RAB3GAP1: variants seen among roughly 807,000 people sequenced by gnomAD.
RAB3GAP1 encodes the protein RAB3 GTPase activating protein catalytic subunit 1.
In RAB3GAP1, 86 loss-of-function variants were observed where a neutral mutation model predicts 130.7. That is an observed-to-expected ratio of 0.66 (90% CI 0.55 to 0.79). RAB3GAP1 has a LOEUF of 0.79. Among genes scored for constraint, RAB3GAP1 ranks in the 30% least tolerant of loss-of-function variants. RAB3GAP1 has a pLI of 0.00. For missense variants in RAB3GAP1, 1,029 were observed against 1,169.4 expected, an observed-to-expected ratio of 0.88 and a Z score of 1.75; for synonymous variants, 367 against 401.7, an observed-to-expected ratio of 0.91 and a Z score of 1.03.
At chr2:135,071,446 A>G (rs1326303886) in intron 3 of RAB3GAP1, among the ~76,000 whole-genome samples, 1 of 151,918 alleles carries the variant, frequency 6.6e-6, no homozygotes, top group Admixed American at 6.6e-5. Context: ...TTAGGCTCCT[A>G]TCTTTGAATT....
rs1173349387 is a variant in RAB3GAP1 at position 135,162,739 on chromosome 2, C to A, written c.2387-9C>A. ...TATTTAATGCTGGCTTCAATCTTTT[C>A]TAAAATAGAAAGTCTCGAAAACATT... On this transcript the variant is annotated splice_polypyrimidine_tract_variant and intron_variant, in intron 20 of 23. Transcript: ENST00000264158. 1 of 1,610,384 alleles carries A rather than the reference C, an allele frequency of 6.2e-7. No homozygotes were observed. Among genetic ancestry groups the A allele is most frequent in the Non-Finnish European group, 8.5e-7 (1 of 1,176,608 alleles).
chr2:135,104,940 A>G (rs571625380), intron 5 of RAB3GAP1, among the ~76,000 whole-genome samples: 1 of 152,252 alleles, frequency 6.6e-6, no homozygotes, highest in South Asian at 2.1e-4. Flanking sequence ...GTTGAAAAGT[A>G]TAATTGAAAT....
intron 7 of RAB3GAP1, 40 bp from the exon 8 acceptor site, chr2:135,120,779 C>A: frequency 7.3e-7 from 1 of 1,369,190 alleles, no homozygotes; most frequent in Non-Finnish European, 1.0e-6. Flanking sequence ...GAAAAGGGTA[C>A]CAGCATTTAC....
chr2:135,057,926 T>G (rs1277227593), intron 2 of RAB3GAP1, 85 bp from the exon 3 acceptor site: 3 of 1,021,214 alleles, frequency 2.9e-6, no homozygotes, highest in Middle Eastern at 2.7e-4. Context: ...TGTTAAAATA[T>G]AAAAAATACC....
At chr2:135,132,655 T>A (rs959816865) in intron 13 of RAB3GAP1, among the ~76,000 whole-genome samples, 1 of 152,200 alleles carries the variant, frequency 6.6e-6, no homozygotes, top group Non-Finnish European at 1.5e-5. Context: ...ATCAAGTGAT[T>A]ACTTTTAAGA....
At chr2:135,073,813 C>G (rs1305953218) in intron 3 of RAB3GAP1, among the ~76,000 whole-genome samples, 1 of 152,134 alleles carries the variant, frequency 6.6e-6, no homozygotes, top group East Asian at 1.9e-4. Flanking sequence ...AAATTTATCC[C>G]AGTGCTTTAA....
intron 7 of RAB3GAP1, among the ~76,000 whole-genome samples, chr2:135,115,687 C>T (rs1690949616): frequency 2.0e-5 from 3 of 152,256 alleles, no homozygotes; most frequent in African/African-American, 7.2e-5. Flanking sequence ...TGCCAGTCTC[C>T]TAAGCTTAAT....
At chr2:135,107,099 A>G (rs1402928291) in intron 5 of RAB3GAP1, among the ~76,000 whole-genome samples, 5 of 121,824 alleles carry the variant, frequency 4.1e-5, no homozygotes, top group East Asian at 2.0e-4. Flanking sequence ...TGAAAGGGAG[A>G]AAAAAAAAAA....
downstream of RAB3GAP1, among the ~76,000 whole-genome samples, chr2:135,171,298 C>T (rs1428834787): frequency 2.0e-5 from 3 of 151,770 alleles, no homozygotes; most frequent in East Asian, 3.9e-4. Context: ...GCCTTTGGGG[C>T]GGTAGTGAGT....
intron 3 of RAB3GAP1, among the ~76,000 whole-genome samples, chr2:135,082,227 A>C (rs1338796571): frequency 6.6e-6 from 1 of 152,170 alleles, no homozygotes; most frequent in Non-Finnish European, 1.5e-5. Context: ...AATTTAAGGC[A>C]TATAATTCAG....
intron 3 of RAB3GAP1, among the ~76,000 whole-genome samples, chr2:135,063,741 G>A (rs899839888): frequency 2.6e-5 from 4 of 152,054 alleles, no homozygotes; most frequent in Non-Finnish European, 5.9e-5. Flanking sequence ...CACTTGGGTC[G>A]CTTCTACCTT....
chr2:135,101,956 A>G (rs1690462172), intron 5 of RAB3GAP1, among the ~76,000 whole-genome samples: 1 of 152,260 alleles, frequency 6.6e-6, no homozygotes, highest in South Asian at 2.1e-4. Context: ...ATTCATGAGC[A>G]GAGATTTTAA....
intron 3 of RAB3GAP1, among the ~76,000 whole-genome samples, chr2:135,084,526 AGTT>A (rs1452296850): frequency 1.3e-5 from 2 of 152,096 alleles, no homozygotes; most frequent in Non-Finnish European, 2.9e-5. Flanking sequence ...GTGGTTATCT[AGTT>A]GTTGCAGCAG....
At chr2:135,107,317 C>T (rs566300608) in intron 5 of RAB3GAP1, among the ~76,000 whole-genome samples, 122 of 151,858 alleles carry the variant, frequency 8.0e-4, no homozygotes, top group African/African-American at 2.7e-3. Context: ...AATATATTCT[C>T]ATAATTTAAA....
chr2:135,104,169 T>A (rs534522905), intron 5 of RAB3GAP1, among the ~76,000 whole-genome samples: 2 of 152,200 alleles, frequency 1.3e-5, no homozygotes, highest in South Asian at 4.1e-4. Flanking sequence ...AAAATAAGAA[T>A]AAAGCAATGG....
intron 17 of RAB3GAP1, among the ~76,000 whole-genome samples, chr2:135,147,052 A>C (rs1459321500): frequency 6.6e-6 from 1 of 152,110 alleles, no homozygotes; most frequent in East Asian, 1.9e-4. Flanking sequence ...CTACTTCTAA[A>C]AAGTTGTTTA....
intron 3 of RAB3GAP1, among the ~76,000 whole-genome samples, chr2:135,088,920 C>A (rs1574098502): frequency 6.6e-6 from 1 of 152,014 alleles, no homozygotes; most frequent in African/African-American, 2.4e-5. Flanking sequence ...TTAATTAGAT[C>A]CCATTTGTCA....
chr2:135,093,864 A>G (rs1186941498), intron 5 of RAB3GAP1, among the ~76,000 whole-genome samples, 171 bp downstream of exon 5: 1 of 152,210 alleles, frequency 6.6e-6, no homozygotes, highest in Non-Finnish European at 1.5e-5. Context: ...GAAAAAACAC[A>G]TGAGGCAAAG....
intron 2 of RAB3GAP1, 69 bp downstream of exon 2, chr2:135,052,554 C>T: frequency 1.3e-6 from 2 of 1,556,478 alleles, no homozygotes; most frequent in East Asian, 2.2e-5. Context: ...TTCCCTGACC[C>T]CAGACACACC....
Sources: gnomAD v4.1 joint callset for allele counts (sites outside exome capture counted in the v4.1 genomes callset) on GRCh38, gnomAD v4.1.1 for gene constraint, MANE v1.5 for transcripts, NCBI Gene and HGNC (gene_info 2026-07-23, HGNC 2026-07-21) for gene names.